The following KANSL1L variants were observed in gnomAD, a reference collection of about 807,000 sequenced individuals.
KANSL1L encodes KAT8 regulatory NSL complex subunit 1 like, also known as KAT8 regulatory NSL complex subunit 1-like protein.
A neutral mutation model predicts 108.6 loss-of-function variants in KANSL1L; 25 were observed. The observed-to-expected ratio is 0.23, with a 90% CI of 0.17 to 0.32. The LOEUF (loss-of-function observed/expected upper bound fraction) is 0.32. Among genes scored for constraint, KANSL1L ranks in the 10% least tolerant of loss-of-function variants. KANSL1L has a pLI of 1.00. For synonymous variants in KANSL1L, 405 were observed against 395.1 expected (o/e 1.03, Z -0.30); for missense variants, 1,137 against 1,125.7 (o/e 1.01, Z -0.14).
intron 2 of KANSL1L, among the ~76,000 whole-genome samples, chr2:210,139,123 A>T (rs1469235112): frequency 2.6e-5 from 4 of 151,984 alleles, no homozygotes; most frequent in African/African-American, 4.8e-5. Context: ...CAAAACAAAA[A>T]GAAATGCATT....
At chr2:210,046,588 G>A (rs73063924) in intron 6 of KANSL1L, among the ~76,000 whole-genome samples, 2 of 151,934 alleles carry the variant, frequency 1.3e-5, no homozygotes, top group African/African-American at 4.8e-5. Flanking sequence ...AAACCTGAAG[G>A]CTCCAGAATA....
chr2:210,071,559 A>G (rs1334714189), intron 6 of KANSL1L, among the ~76,000 whole-genome samples: 2 of 152,134 alleles, frequency 1.3e-5, no homozygotes, highest in South Asian at 4.1e-4. Context: ...ATGAGCTGCC[A>G]TGCCCGACCA....
intron 13 of KANSL1L, among the ~76,000 whole-genome samples, chr2:210,024,407 A>G (rs1372845086): frequency 1.3e-5 from 2 of 152,188 alleles, no homozygotes; most frequent in African/African-American, 2.4e-5. Flanking sequence ...TTACCGAATT[A>G]TAACAGTTGT....
chr2:210,069,785 C>T (rs2094493058), intron 6 of KANSL1L, among the ~76,000 whole-genome samples: 1 of 83,234 alleles, frequency 1.2e-5, no homozygotes, highest in South Asian at 4.7e-4. Flanking sequence ...TTGCCCCTGA[C>T]ATTCTTTTTT....
intron 6 of KANSL1L, among the ~76,000 whole-genome samples, chr2:210,058,198 A>T (rs2539010): frequency 6.6e-6 from 1 of 152,014 alleles, no homozygotes; most frequent in African/African-American, 2.4e-5. Flanking sequence ...TGGCCGCTTC[A>T]GGGGGCGGCT....
intron 5 of KANSL1L, chr2:210,080,235 A>G (rs1479598309): frequency 7.9e-5 from 12 of 152,232 alleles, no homozygotes; most frequent in Admixed American, 7.9e-4. Flanking sequence ...TTAATCTTTT[A>G]AAAGGCCCTG....
intron 3 of KANSL1L, among the ~76,000 whole-genome samples, chr2:210,122,478 A>C (rs2095030543): frequency 6.6e-6 from 1 of 152,210 alleles, no homozygotes; most frequent in Admixed American, 6.5e-5. Context: ...ATCCATATGC[A>C]GAAGAATAAA....
At chr2:210,110,377 T>C (rs1405922693) in intron 3 of KANSL1L, among the ~76,000 whole-genome samples, 1 of 152,232 alleles carries the variant, frequency 6.6e-6, no homozygotes, top group Non-Finnish European at 1.5e-5. Flanking sequence ...TCTCTTATCA[T>C]ATAAAGTGTA....
At chr2:210,066,870 T>G (rs1156536975) in intron 6 of KANSL1L, among the ~76,000 whole-genome samples, 1 of 152,224 alleles carries the variant, frequency 6.6e-6, no homozygotes, top group African/African-American at 2.4e-5. Flanking sequence ...TGTGTCAGGT[T>G]GACTAGGTGA....
intron 8 of KANSL1L, chr2:210,032,341 A>G (rs1289295537): frequency 6.6e-6 from 1 of 152,256 alleles, no homozygotes; most frequent in Non-Finnish European, 1.5e-5. Context: ...ATAGGCACAT[A>G]TAAATCCACA....
chr2:210,153,796 A>T lies in KANSL1L; in HGVS notation c.787T>A (p.Leu263Met). Residue 263 changes from leucine (L) to methionine (M), a missense_variant, in exon 2 of 15, where the codon TTG becomes ATG. Leu to Met is a conservative substitution (Grantham distance 15). Coordinates refer to ENST00000281772, the MANE Select transcript of KANSL1L (RefSeq NM_152519.4). Reference sequence around the variant, plus strand: ...TTGGGGAGTTGATGTTTCATAGACAATTTCATCTGCTGACCATAGTGCTTA... The same window carrying T: ...TTGGGGAGTTGATGTTTCATAGACATTTTCATCTGCTGACCATAGTGCTTA... The part of the protein sequence containing the change: ...VVKHYGQQMK[L>M]SMKHQLPKMK... 1 of 1,612,988 alleles carries T rather than the reference A, an allele frequency of 6.2e-7. No homozygotes were observed. Among genetic ancestry groups the T allele is most frequent in the South Asian group, 1.1e-5 (1 of 90,782 alleles).
intron 6 of KANSL1L, among the ~76,000 whole-genome samples, chr2:210,058,221 C>T (rs924081678): frequency 2.6e-5 from 4 of 152,024 alleles, no homozygotes; most frequent in Non-Finnish European, 4.4e-5. Flanking sequence ...CTTTTATGGT[C>T]GAAGCTGTGG....
chr2:210,124,192 C>T (rs1240017318), intron 3 of KANSL1L, among the ~76,000 whole-genome samples: 14 of 152,108 alleles, frequency 9.2e-5, no homozygotes, highest in Admixed American at 9.2e-4. Context: ...TACCCAACAA[C>T]AACCACATAC....
chr2:210,071,426 C>G (rs1235642683), intron 6 of KANSL1L, among the ~76,000 whole-genome samples: 1 of 151,774 alleles, frequency 6.6e-6, no homozygotes, highest in Non-Finnish European at 1.5e-5. Context: ...AACCATGATG[C>G]CTGGCTAATT....
At chr2:210,172,503 G>A (rs1688388986), upstream of KANSL1L, among the ~76,000 whole-genome samples, 1 of 152,188 alleles carries the variant, frequency 6.6e-6, no homozygotes, top group Non-Finnish European at 1.5e-5. Flanking sequence ...TCTTCTAGTA[G>A]ATTGTGATAT....
At chr2:210,121,261 G>T (rs1468032090) in intron 3 of KANSL1L, among the ~76,000 whole-genome samples, 2 of 152,134 alleles carry the variant, frequency 1.3e-5, no homozygotes, top group Non-Finnish European at 2.9e-5. Context: ...CCCATCAATG[G>T]TAGACTGCAT....
At chr2:210,170,438 C>T in intron 1 of KANSL1L, 10 of 962,066 alleles carry the variant, frequency 1.0e-5, no homozygotes, top group Non-Finnish European at 1.2e-5. Flanking sequence ...GCAAAGCCAG[C>T]CTCTTTCCTT....
chr2:210,054,906 A>G lies in KANSL1L; in HGVS notation c.1756-10802T>C, dbSNP rs902210246. ...CTAGATACAGAAAACCCCAAAGAACAAACAAAGTTACTACAGCTATTAAAT... is the reference window on the plus strand; with the variant it reads ...CTAGATACAGAAAACCCCAAAGAACGAACAAAGTTACTACAGCTATTAAAT... On this transcript the variant is annotated intron_variant, in intron 6 of 14. Transcript: ENST00000281772. Among the ~76,000 whole-genome samples the G allele has an allele frequency of 8.5e-5, 13 of 152,328 alleles. No individual in the cohort carries two copies. The South Asian group carries it at 2.7e-3, about 32-fold the overall frequency.
At chr2:210,058,705 C>T (rs1022441954) in intron 6 of KANSL1L, among the ~76,000 whole-genome samples, 3 of 151,914 alleles carry the variant, frequency 2.0e-5, no homozygotes, top group Admixed American at 1.3e-4. Flanking sequence ...GGCGTGGTGG[C>T]GGGCGCCTGT....
Sources: allele counts gnomAD v4.1 joint callset (sites outside exome capture counted in the v4.1 genomes callset), GRCh38; gene constraint gnomAD v4.1.1; transcripts MANE v1.5; gene names NCBI Gene and HGNC (gene_info 2026-07-23, HGNC 2026-07-21).